The following UNC13B variants were observed in gnomAD, a reference collection of about 807,000 sequenced individuals.
The protein encoded by UNC13B is protein unc-13 homolog B.
In UNC13B, 144 loss-of-function variants were observed where a neutral mutation model predicts 211.0. The observed-to-expected ratio is 0.68, with a 90% CI of 0.60 to 0.78. The LOEUF (loss-of-function observed/expected upper bound fraction) is 0.78. UNC13B is among the 30% of genes least tolerant of loss of function. The pLI, the probability that UNC13B is intolerant of heterozygous loss-of-function variation, is 0.00. For synonymous variants in UNC13B, 709 were observed against 725.8 expected, an observed-to-expected ratio of 0.98 and a Z score of 0.37; for missense variants, 1,777 against 2,002.0, an observed-to-expected ratio of 0.89 and a Z score of 2.14.
intron 3 of UNC13B, among the ~76,000 whole-genome samples, chr9:35,236,046 C>T (rs1825488191): frequency 1.6e-5 from 2 of 121,570 alleles, no homozygotes; most frequent in South Asian, 5.5e-4. Context: ...TTAATGTATA[C>T]AATTTAGACA....
intron 7 of UNC13B, among the ~76,000 whole-genome samples, chr9:35,279,507 A>C (rs1029559658): frequency 1.3e-5 from 2 of 152,194 alleles, no homozygotes; most frequent in African/African-American, 4.8e-5. Flanking sequence ...TATGAACAAC[A>C]GTGTACAAGT....
chr9:35,317,689 ATTTTTTTTTT>A (rs543036863), intron 11 of UNC13B, among the ~76,000 whole-genome samples: 1 of 125,556 alleles, frequency 8.0e-6, no homozygotes, highest in Non-Finnish European at 1.7e-5. Flanking sequence ...TGCCTGGCTA[ATTTTTTTTTT>A]TTTTTTTTTT....
intron 7 of UNC13B, among the ~76,000 whole-genome samples, chr9:35,286,647 A>T (rs1828813132): frequency 6.6e-6 from 1 of 151,992 alleles, no homozygotes; most frequent in Non-Finnish European, 1.5e-5. Flanking sequence ...ATGACTCCAG[A>T]AGCTTGAGAC....
intron 25 of UNC13B, 29 bp downstream of exon 25, chr9:35,390,002 G>A (rs1376886079): frequency 6.2e-7 from 1 of 1,611,036 alleles, no homozygotes; most frequent in South Asian, 1.1e-5. Context: ...GGCCCTGTCT[G>A]TTGGTGGTTG....
chr9:35,239,696 T>TC (rs972832473), intron 5 of UNC13B, among the ~76,000 whole-genome samples: 126 of 151,930 alleles, frequency 8.3e-4, no homozygotes, highest in African/African-American at 2.4e-3. Flanking sequence ...AAGACAGACG[T>TC]CCCCAAAGCA....
chr9:35,385,707 T>G lies in UNC13B; in HGVS notation c.10876-17T>G, dbSNP rs776353712. 3 of 1,589,252 alleles carry G rather than the reference T, an allele frequency of 1.9e-6. No homozygotes were observed. In the East Asian group the frequency reaches 6.8e-5, roughly 36 times the overall value. On this transcript the variant is annotated splice_polypyrimidine_tract_variant and intron_variant, in intron 22 of 39. Transcript: ENST00000635942. ...TAGTCCTCTGTTCCTTTCTTACATT[T>G]GCTTGATTTGCAACAGAATAATTTC... is the stretch of plus-strand genomic sequence containing the variant.
At chr9:35,383,871 G>T (rs1469882044) in intron 21 of UNC13B, among the ~76,000 whole-genome samples, 1 of 151,994 alleles carries the variant, frequency 6.6e-6, no homozygotes, top group East Asian at 1.9e-4. Flanking sequence ...TCAGACTCAA[G>T]AGAGAATGTG....
At chr9:35,268,579 A>G (rs577739121) in intron 7 of UNC13B, among the ~76,000 whole-genome samples, 1 of 152,164 alleles carries the variant, frequency 6.6e-6, no homozygotes, top group Non-Finnish European at 1.5e-5. Flanking sequence ...AGATTGCACC[A>G]CTGTACTCCA....
At chr9:35,198,931 T>A (rs545278985) in intron 1 of UNC13B, among the ~76,000 whole-genome samples, 1 of 152,208 alleles carries the variant, frequency 6.6e-6, no homozygotes, top group Non-Finnish European at 1.5e-5. Context: ...TACATATGTA[T>A]ACATGTGCCA....
At chr9:35,312,913 G>C (rs969148769) in intron 10 of UNC13B, among the ~76,000 whole-genome samples, 3 of 152,174 alleles carry the variant, frequency 2.0e-5, no homozygotes, top group Non-Finnish European at 1.5e-5. Flanking sequence ...AAAGGGCTGT[G>C]TGTTTTTTTT....
intron 11 of UNC13B, among the ~76,000 whole-genome samples, chr9:35,360,147 C>G (rs573101014): frequency 1.8e-4 from 28 of 152,374 alleles, no homozygotes; most frequent in South Asian, 8.3e-4. Flanking sequence ...TATCACCTAT[C>G]AGTGAGGCCG....
intron 17 of UNC13B, among the ~76,000 whole-genome samples, chr9:35,380,016 T>C (rs1244465965): frequency 6.6e-6 from 1 of 152,142 alleles, no homozygotes; most frequent in Non-Finnish European, 1.5e-5. Flanking sequence ...ATGAGAGAGT[T>C]AGATAGAAAG....
chr9:35,342,070 T>C, intron 11 of UNC13B: 1 of 985,444 alleles, frequency 1.0e-6, no homozygotes, highest in Non-Finnish European at 1.2e-6. Context: ...TGAGGGGTTT[T>C]TTTGCAGGGC....
chr9:35,355,555 TA>T (rs1832973170), intron 11 of UNC13B, among the ~76,000 whole-genome samples: 1 of 152,226 alleles, frequency 6.6e-6, no homozygotes, highest in Non-Finnish European at 1.5e-5. Flanking sequence ...TGTCCCACCA[TA>T]AGTCTTTCAA....
chr9:35,310,723 A>T lies in UNC13B; in HGVS notation c.9265A>T (p.Thr3089Ser), dbSNP rs1415048621. Residue 3089 changes from threonine to serine, a missense_variant, in exon 10 of 40, where the codon ACC becomes TCC. Transcript: ENST00000635942. Reference sequence around the variant, plus strand: ...CAAGGAGATGAAAGAAGATGCCACAACCCACCCTCCCCCAGATCTGGTGCT... The same window carrying T: ...CAAGGAGATGAAAGAAGATGCCACATCCCACCCTCCCCCAGATCTGGTGCT... ...EPKEMKEDAT[T>S]HPPPDLVLQK... is the part of the protein sequence containing the mutation. 6.2e-7 allele frequency: 1 copy of T among 1,613,746 alleles called. No homozygotes were observed. Among genetic ancestry groups the T allele is most frequent in the Non-Finnish European group, 8.5e-7 (1 of 1,179,968 alleles).
chr9:35,236,102 A>C (rs946914591), intron 3 of UNC13B, among the ~76,000 whole-genome samples: 3 of 151,746 alleles, frequency 2.0e-5, no homozygotes, highest in African/African-American at 7.3e-5. Context: ...TAGTAAATAT[A>C]TTTATCACCT....
intron 16 of UNC13B, 70 bp downstream of exon 16, chr9:35,377,765 C>G: frequency 6.7e-7 from 1 of 1,494,512 alleles, no homozygotes; most frequent in Non-Finnish European, 9.2e-7. Context: ...AAGAAACATC[C>G]TGAGCGTGAG....
chr9:35,272,819 G>A (rs1408825755), intron 7 of UNC13B, among the ~76,000 whole-genome samples: 3 of 152,160 alleles, frequency 2.0e-5, no homozygotes, highest in African/African-American at 7.2e-5. Context: ...TTTTAGAGTT[G>A]CAGTGTACCT....
At position 35,341,976 on chromosome 9, in the gene UNC13B, C is replaced by T. The variant is rs935940167; in HGVS notation, c.9415-24971C>T. Reference sequence around the variant, plus strand: ...CTGCTGTTGCCTTCAGCAGGCTGATCTCAGAATCCCCCTTGCCAGAGAGGT... The same window carrying T: ...CTGCTGTTGCCTTCAGCAGGCTGATTTCAGAATCCCCCTTGCCAGAGAGGT... On this transcript the variant is annotated intron_variant, in intron 11 of 39. Transcript: ENST00000635942. 3.0e-6 allele frequency: 3 copies of T among 985,460 alleles called. No individual in the cohort carries two copies. In the African/African-American group the frequency reaches 5.2e-5, roughly 17 times the overall value. 61.0% of individuals were successfully genotyped at this position (985,460 alleles called of 1,614,324 possible).
Sources: gnomAD v4.1 joint callset for allele counts (sites outside exome capture counted in the v4.1 genomes callset) on GRCh38, gnomAD v4.1.1 for gene constraint, MANE v1.5 for transcripts, NCBI Gene and HGNC (gene_info 2026-07-23, HGNC 2026-07-21) for gene names.